Variants in UBE2J1 observed in about 807,000 individuals in gnomAD.
UBE2J1 encodes the protein ubiquitin conjugating enzyme E2 J1.
In UBE2J1, 17 loss-of-function variants were observed where a neutral mutation model predicts 42.1. That is an observed-to-expected ratio of 0.40 (90% CI 0.28 to 0.61). The LOEUF is 0.61. UBE2J1 is among the 20% of genes least tolerant of loss of function. UBE2J1 has a pLI of 0.38. For synonymous variants in UBE2J1, 127 were observed against 137.2 expected, an observed-to-expected ratio of 0.93 and a Z score of 0.52; for missense variants, 291 against 389.4, an observed-to-expected ratio of 0.75 and a Z score of 2.13.
Position 89,352,614 on chromosome 6 carries a change from T to A in UBE2J1, c.-45A>T. ...TCCGGCCTCCCGGGCCGCTGCCACC[T>A]CCTCTCCACGCGGCCGCTGCCCGGG... On this transcript the variant is annotated 5_prime_UTR_variant, in exon 1 of 8. Transcript: ENST00000435041. 2 of 1,526,222 alleles carry A rather than the reference T, an allele frequency of 1.3e-6. No individual in the cohort carries two copies. The highest frequency in any genetic ancestry group is 1.4e-5 in the African/African-American group (1 of 69,958). 94.5% of individuals were successfully genotyped at this position (1,526,222 alleles called of 1,614,324 possible).
intron 1 of UBE2J1, among the ~76,000 whole-genome samples, chr6:89,346,508 G>A (rs1028752865): frequency 1.3e-5 from 2 of 152,062 alleles, no homozygotes; most frequent in African/African-American, 4.8e-5. Context: ...TCCACTCTCA[G>A]CCTTTCTATA....
intron 1 of UBE2J1, 94 bp downstream of exon 1, chr6:89,352,445 G>T: frequency 7.3e-7 from 1 of 1,377,044 alleles, no homozygotes; most frequent in Non-Finnish European, 9.8e-7. Context: ...GCTGAGCCGC[G>T]AGTGGCGCCA....
At chr6:89,339,858 TA>T (rs1349860026) in intron 3 of UBE2J1, among the ~76,000 whole-genome samples, 3 of 150,914 alleles carry the variant, frequency 2.0e-5, no homozygotes, top group African/African-American at 7.3e-5. Flanking sequence ...AAAATAAAAA[TA>T]AAAAAAATTT....
intron 7 of UBE2J1, among the ~76,000 whole-genome samples, chr6:89,331,715 T>C (rs568718020): frequency 1.3e-5 from 2 of 152,240 alleles, no homozygotes; most frequent in African/African-American, 4.8e-5. Flanking sequence ...CAAGGGGACT[T>C]AACATAGATT....
Position 89,329,970 on chromosome 6 carries a change from A to G in UBE2J1, c.679-13T>C. 6.2e-7 allele frequency: 1 copy of G among 1,612,626 alleles called. No individual in the cohort carries two copies. The highest frequency in any genetic ancestry group is 8.5e-7 in the Non-Finnish European group (1 of 1,179,420). Reference sequence around the variant, plus strand: ...TCTGGAGTCCGTACTAGGAAATTTTAAGAAACTTTGTTTGAAACTGGCAAA... The same window carrying G: ...TCTGGAGTCCGTACTAGGAAATTTTGAGAAACTTTGTTTGAAACTGGCAAA... On this transcript the variant is annotated splice_polypyrimidine_tract_variant and intron_variant, in intron 7 of 7. Transcript: ENST00000435041.
chr6:89,346,585 T>C (rs967559312), intron 1 of UBE2J1, among the ~76,000 whole-genome samples: 1 of 152,116 alleles, frequency 6.6e-6, no homozygotes, highest in African/African-American at 2.4e-5. Context: ...CTGGCTACCC[T>C]AGACCTTTAA....
intron 3 of UBE2J1, among the ~76,000 whole-genome samples, chr6:89,340,323 A>C (rs921366088): frequency 6.6e-5 from 10 of 152,154 alleles, no homozygotes; most frequent in Admixed American, 5.9e-4. Context: ...ATATACCTGT[A>C]TTTGTTGGTA....
In UBE2J1 at chr6:89,335,348, T is replaced by C. The variant is rs925359773; in HGVS notation, c.512A>G (p.Gln171Arg). 3.7e-6 allele frequency: 6 copies of C among 1,609,884 alleles called. No homozygotes were observed. The African/African-American group carries it at 8.0e-5, about 22-fold the overall frequency. Residue 171 changes from glutamine (Q) to arginine (R), a missense_variant, in exon 6 of 8, where the codon CAA becomes CGA. Physicochemically the swap from Gln to Arg is conservative, Grantham distance 43 (BLOSUM62 1). Coordinates refer to ENST00000435041, the MANE Select transcript of UBE2J1 (RefSeq NM_016021.3). ...CAGTTCTTTGGCTTCTTGGTCAGCT[T>C]GGCTTGAATCGCTTCCAGATTTTAA... The part of the protein sequence containing the change: ...LPLKSGSDSS[Q>R]ADQEAKELAR...
Position 89,343,691 on chromosome 6 carries a change from G to T in UBE2J1, c.97C>A (p.Pro33Thr). 6.2e-7 allele frequency: 1 copy of T among 1,604,576 alleles called. No homozygotes were observed. The highest frequency in any genetic ancestry group is 2.2e-5 in the East Asian group (1 of 44,612). ...KDPTDHYHAQ[P>T]LEDNLFEWHF... Reference sequence around the variant, plus strand: ...TGGAGATAGAAACTAACCTCTAAAGGCTGCGCATGGTAATGATCTGTTGGA... The same window carrying T: ...TGGAGATAGAAACTAACCTCTAAAGTCTGCGCATGGTAATGATCTGTTGGA... The change falls in exon 2 of 8, where the codon CCT becomes ACT. Residue 33 changes from proline to threonine, a missense_variant. Physicochemically the swap from Pro to Thr is conservative, Grantham distance 38 (BLOSUM62 -1). This residue lies in a region of UBE2J1 where 115 missense variants were observed against 193.1 expected (regional missense o/e 0.60). Transcript: ENST00000435041.
chr6:89,345,677 G>A (rs1768349691), intron 1 of UBE2J1, among the ~76,000 whole-genome samples: 1 of 152,056 alleles, frequency 6.6e-6, no homozygotes, highest in African/African-American at 2.4e-5. Context: ...GGAGGCCGAG[G>A]CAGGTGGATC....
At chr6:89,348,013 C>T (rs1768393777) in intron 1 of UBE2J1, among the ~76,000 whole-genome samples, 1 of 152,198 alleles carries the variant, frequency 6.6e-6, no homozygotes, top group Admixed American at 6.5e-5. Flanking sequence ...GGCTCCCTGG[C>T]TCCTGAGGAG....
chr6:89,349,073 C>T (rs1315904744), intron 1 of UBE2J1, among the ~76,000 whole-genome samples: 1 of 152,108 alleles, frequency 6.6e-6, no homozygotes, highest in Non-Finnish European at 1.5e-5. Context: ...CTCGTCTCTA[C>T]AAAAAATACA....
chr6:89,346,329 G>A lies in UBE2J1; in HGVS notation c.32-2573C>T, dbSNP rs150635716. On this transcript the variant is annotated intron_variant, in intron 1 of 7. Transcript: ENST00000435041. The stretch of plus-strand genomic sequence containing the variant: ...GGTACTAGATGCTACAGCTTCATGC[G>A]TAAACAAAATATGGCTTTGGTCACT... Among the ~76,000 whole-genome samples, 697 of 152,184 alleles carry A rather than the reference G, an allele frequency of 4.6e-3. 1 individual carries two copies. The highest frequency in any genetic ancestry group is 0.014 in the African/African-American group (562 of 41,522).
intron 1 of UBE2J1, among the ~76,000 whole-genome samples, chr6:89,348,878 G>A (rs1004380878): frequency 6.6e-6 from 1 of 152,168 alleles, no homozygotes; most frequent in African/African-American, 2.4e-5. Context: ...GGTTCCAACA[G>A]GAACCAAAGC....
chr6:89,340,530 T>C (rs1472565522), intron 3 of UBE2J1, among the ~76,000 whole-genome samples: 1 of 152,202 alleles, frequency 6.6e-6, no homozygotes, highest in Admixed American at 6.5e-5. Context: ...CTAATACTTA[T>C]TAAGCAGCTT....
intron 6 of UBE2J1, 69 bp from the exon 7 acceptor site, chr6:89,333,274 C>T: frequency 1.3e-6 from 2 of 1,488,714 alleles, no homozygotes; most frequent in East Asian, 2.4e-5. Flanking sequence ...CAATCTACAA[C>T]CTGCTAAATC....
At chr6:89,339,837 T>C (rs1441164577) in intron 3 of UBE2J1, among the ~76,000 whole-genome samples, 1 of 151,552 alleles carries the variant, frequency 6.6e-6, no homozygotes, top group Non-Finnish European at 1.5e-5. Flanking sequence ...AGTGAAACCC[T>C]GTCTCTACAA....
intron 1 of UBE2J1, among the ~76,000 whole-genome samples, chr6:89,344,157 A>C (rs1768313230): frequency 6.6e-6 from 1 of 152,074 alleles, no homozygotes; most frequent in African/African-American, 2.4e-5. Context: ...ATATAGTCAC[A>C]CAGCTAGTAA....
At position 89,329,530 on chromosome 6, in the gene UBE2J1, A is replaced by G; in HGVS notation, c.*149T>C. ...ACTGCTAGACACAGTCTGAATGTCT[A>G]GATATATTTATACTAAACTTACAAG... On this transcript the variant is annotated 3_prime_UTR_variant, in exon 8 of 8. Coordinates refer to ENST00000435041, the MANE Select transcript of UBE2J1 (RefSeq NM_016021.3). 1.2e-6 allele frequency: 1 copy of G among 807,190 alleles called. No individual in the cohort carries two copies. The highest frequency in any genetic ancestry group is 1.9e-6 in the Non-Finnish European group (1 of 517,198). The allele number at this position is 807,190 out of a possible 1,614,324, so 50.0% of individuals were successfully genotyped here.
Sources: gnomAD v4.1 joint callset for allele counts (sites outside exome capture counted in the v4.1 genomes callset) on GRCh38, gnomAD v4.1.1 for gene constraint, gnomAD v4.1.1 regional missense constraint, MANE v1.5 for transcripts, NCBI Gene and HGNC (gene_info 2026-07-23, HGNC 2026-07-21) for gene names.